PUDP: variants seen among roughly 807,000 people sequenced by gnomAD.
PUDP encodes pseudouridine 5'-phosphatase.
A neutral mutation model predicts 9.4 loss-of-function variants in PUDP; 8 were observed. That is an observed-to-expected ratio of 0.85 (90% CI 0.50 to 1.53). PUDP has a LOEUF of 1.53. PUDP is among the 40% of genes most tolerant of loss of function. PUDP has a pLI of 0.00. For synonymous variants in PUDP, 99 were observed against 80.7 expected (o/e 1.23, Z -1.22); for missense variants, 188 against 189.7 (o/e 0.99, Z 0.05).
At chrX:6,895,378 A>G (rs1927575350) in intron 3 of PUDP, among the ~76,000 whole-genome samples, 1 of 95,331 alleles carries the variant, frequency 1.0e-5, no homozygotes, top group Admixed American at 1.2e-4. Context: ...CTATTTATTT[A>G]TTATACTATT....
At chrX:6,921,642 A>G (rs1928025321) in intron 3 of PUDP, among the ~76,000 whole-genome samples, 1 of 109,830 alleles carries the variant, frequency 9.1e-6, no homozygotes, top group Non-Finnish European at 1.9e-5. Flanking sequence ...CCTCACAATT[A>G]TCAATTTCTT....
intron 1 of PUDP, among the ~76,000 whole-genome samples, chrX:7,130,306 G>A (rs776432338): frequency 6.4e-5 from 7 of 110,059 alleles, no homozygotes; most frequent in South Asian, 8.0e-4. Context: ...GGGGGAATTC[G>A]GAGGCTGATT....
At chrX:6,730,159 T>A (rs1032868189) in intron 3 of PUDP, among the ~76,000 whole-genome samples, 3 of 111,881 alleles carry the variant, frequency 2.7e-5, no homozygotes, top group African/African-American at 9.8e-5. Context: ...TGGTAACAGT[T>A]TGAGGTAACT....
chrX:6,733,719 G>T (rs1459222974), intron 3 of PUDP, among the ~76,000 whole-genome samples: 1 of 104,155 alleles, frequency 9.6e-6, no homozygotes, highest in Non-Finnish European at 2.0e-5. Context: ...CCAAATTCAT[G>T]ATGAGAAGCG....
chrX:6,833,170 GTTTC>G (rs1424491440), intron 3 of PUDP, among the ~76,000 whole-genome samples: 2 of 112,313 alleles, frequency 1.8e-5, no homozygotes, highest in Non-Finnish European at 3.8e-5. Flanking sequence ...TATTTAAAAA[GTTTC>G]TTTCTAATGA....
Position 7,077,405 on chromosome X carries a change from A to G in PUDP, c.325T>C (p.Phe109Leu). Residue 109 changes from phenylalanine to leucine, a missense_variant, in exon 3 of 4, where the codon TTT (phenylalanine) becomes CTT (leucine). Transcript: ENST00000381077. ...GACCCCGAGCTGGTGGCCAGTGCAA[A>G]GGGGATGCCATGTTTCCGCAGGTGG... ...IIHLRKHGIP[F>L]ALATSSGSAS... 1 of 1,211,038 alleles carries G rather than the reference A, an allele frequency of 8.3e-7. No homozygotes were observed. The highest frequency in any genetic ancestry group is 1.1e-6 in the Non-Finnish European group (1 of 895,108).
At chrX:6,897,765 G>A (rs1051236624) in intron 3 of PUDP, among the ~76,000 whole-genome samples, 2 of 111,242 alleles carry the variant, frequency 1.8e-5, no homozygotes, top group Admixed American at 1.9e-4. Flanking sequence ...ACTTCTCACC[G>A]TGTCTTCGCA....
chrX:6,836,334 C>T (rs112781193), intron 3 of PUDP, among the ~76,000 whole-genome samples: 12,039 of 111,412 alleles, frequency 0.11, 680 homozygotes, highest in African/African-American at 0.22. Context: ...TTTATCATGT[C>T]ATAGTTCTGT....
At chrX:6,866,957 A>T (rs372103479) in intron 3 of PUDP, among the ~76,000 whole-genome samples, 1 of 111,503 alleles carries the variant, frequency 9.0e-6, no homozygotes, top group African/African-American at 3.3e-5. Context: ...CAGGCCCCAG[A>T]GGGTAGGCGT....
intron 3 of PUDP, among the ~76,000 whole-genome samples, chrX:6,815,291 C>T (rs1926211292): frequency 9.0e-6 from 1 of 110,940 alleles, no homozygotes. Flanking sequence ...ACTCTTCTCC[C>T]AGTCCACTTT....
intron 1 of PUDP, among the ~76,000 whole-genome samples, chrX:6,980,965 A>G (rs1929024472): frequency 9.0e-6 from 1 of 111,295 alleles, no homozygotes; most frequent in Non-Finnish European, 1.9e-5. Flanking sequence ...TCTCCTTTGC[A>G]TGGTGCTTTA....
At chrX:7,120,949 G>A (rs1318866406) in intron 1 of PUDP, among the ~76,000 whole-genome samples, 4 of 111,930 alleles carry the variant, frequency 3.6e-5, no homozygotes, top group Non-Finnish European at 5.6e-5. Flanking sequence ...TTCAGAAGCA[G>A]ACCAGTGGTT....
chrX:6,846,195 G>A (rs1051505931), intron 3 of PUDP, among the ~76,000 whole-genome samples: 1 of 110,424 alleles, frequency 9.1e-6, no homozygotes, highest in Middle Eastern at 4.2e-3. Flanking sequence ...ACGAGGTCAG[G>A]AGATCGAGAC....
chrX:7,107,390 GAGA>G (rs764112072), intron 1 of PUDP, among the ~76,000 whole-genome samples: 135 of 112,761 alleles, frequency 1.2e-3, no homozygotes, highest in African/African-American at 4.0e-3. Context: ...TGTACGCACA[GAGA>G]AGGCTATGTG....
At chrX:7,147,355 C>T (rs778908332) in intron 1 of PUDP, among the ~76,000 whole-genome samples, 81 of 111,402 alleles carry the variant, frequency 7.3e-4, no homozygotes, top group African/African-American at 2.5e-3. Context: ...GTTGACGGCG[C>T]GGGATAATTC....
chrX:6,856,878 G>C (rs996087883), intron 3 of PUDP, among the ~76,000 whole-genome samples: 1 of 112,088 alleles, frequency 8.9e-6, no homozygotes. Flanking sequence ...CTGCCACTTT[G>C]ACTTAAGTAA....
At chrX:7,107,211 A>G (rs1394487240) in intron 1 of PUDP, among the ~76,000 whole-genome samples, 1 of 112,429 alleles carries the variant, frequency 8.9e-6, no homozygotes, top group African/African-American at 3.2e-5. Flanking sequence ...GTCTACCTTG[A>G]ATCTGTACAG....
intron 3 of PUDP, among the ~76,000 whole-genome samples, chrX:6,925,517 C>A (rs1928088692): frequency 1.8e-5 from 2 of 111,454 alleles, no homozygotes; most frequent in Admixed American, 9.6e-5. Flanking sequence ...ATGGAAAAAC[C>A]AACTCTGAAA....
intron 3 of PUDP, among the ~76,000 whole-genome samples, chrX:6,775,466 T>TATAGATAGATAG (rs56695005): frequency 9.8e-6 from 1 of 101,914 alleles, no homozygotes; most frequent in African/African-American, 3.6e-5. Context: ...GATAGATAGA[T>TATAGATAGATAG]ATAGATAGAT....
Sources: gnomAD v4.1 joint callset for allele counts (sites outside exome capture counted in the v4.1 genomes callset) on GRCh38, gnomAD v4.1.1 for gene constraint, MANE v1.5 for transcripts, NCBI Gene and HGNC (gene_info 2026-07-23, HGNC 2026-07-21) for gene names.